Variants in DLL1 observed in about 807,000 individuals in gnomAD.
The protein encoded by DLL1 is delta-like protein 1.
DLL1 carries 9 observed loss-of-function variants against 75.1 expected under a neutral mutation model. The observed-to-expected ratio is 0.12, with a 90% CI of 0.07 to 0.21. DLL1 has a LOEUF of 0.21. DLL1 is among the 10% of genes least tolerant of loss of function. DLL1 has a pLI of 1.00. For missense variants in DLL1, 837 were observed against 1,007.6 expected (o/e 0.83, Z 2.29); for synonymous variants, 477 against 418.3 (o/e 1.14, Z -1.71).
At position 170,282,657 on chromosome 6, in the gene DLL1, G is replaced by A; in HGVS notation, c.*217C>T. ...AAGAGCAACTGTCCATAGTGCAACG[G>A]CGACGTCACGGAAGGCAGTGCCGCA... On this transcript the variant is annotated 3_prime_UTR_variant, in exon 11 of 11. Transcript: ENST00000366756. The A allele has an allele frequency of 1.5e-6, 1 of 674,096 alleles. No individual in the cohort carries two copies. Among genetic ancestry groups the A allele is most frequent in the Middle Eastern group, 4.1e-4 (1 of 2,468 alleles). The allele number at this position is 674,096 out of a possible 1,614,324, so 41.8% of individuals were successfully genotyped here. A position where few individuals can be genotyped will look rare whatever the true frequency, so the allele number is the denominator to read the frequency against.
At position 170,290,891 on chromosome 6, in the gene DLL1, G is replaced by T; in HGVS notation, c.-752C>A. On this transcript the variant is annotated 5_prime_UTR_variant, in exon 1 of 11. Transcript: ENST00000366756. This position sits in a 1 kb window ranked among gnomAD's most constrained non-coding sequence, Gnocchi z 4.7. ...CCGGGTTCCCCTGCGCTCTGCCCTC[G>T]GCCGGGTCGGGTCTCCGCGGGTGCG... The T allele has an allele frequency of 1.4e-6, 1 of 690,800 alleles. No individual in the cohort carries two copies. Among genetic ancestry groups the T allele is most frequent in the Non-Finnish European group, 2.6e-6 (1 of 379,070 alleles). The allele number at this position is 690,800 out of a possible 1,614,324, so 42.8% of individuals were successfully genotyped here.
intron 8 of DLL1, 41 bp downstream of exon 8, chr6:170,284,878 G>A (rs762825117): frequency 1.6e-5 from 25 of 1,596,264 alleles, no homozygotes; most frequent in South Asian, 2.2e-5. Context: ...AGTATTGACC[G>A]CTCGCCCGAG....
chr6:170,290,337 G>T lies in DLL1; in HGVS notation c.-198C>A, dbSNP rs1471193367. 3 of 479,516 alleles carry T rather than the reference G, an allele frequency of 6.3e-6. No homozygotes were observed. The highest frequency in any genetic ancestry group is 8.6e-5 in the Admixed American group (2 of 23,376). 29.7% of individuals were successfully genotyped at this position (479,516 alleles called of 1,614,324 possible). A position where few individuals can be genotyped will look rare whatever the true frequency, so the allele number is the denominator to read the frequency against. On this transcript the variant is annotated 5_prime_UTR_variant, in exon 1 of 11. Transcript: ENST00000366756. The surrounding 1 kb of genome is among the most constrained non-coding windows in gnomAD (Gnocchi z 4.7). ...CCCAAGGCCGCGGTTCTTTATATCC[G>T]CCCTGCGAGGTCCCGCGGCAGCCCC...
chr6:170,285,288 T>C lies in DLL1; in HGVS notation c.998A>G (p.Asp333Gly). The C allele has an allele frequency of 6.2e-7, 1 of 1,613,974 alleles. No individual in the cohort carries two copies. Among genetic ancestry groups the C allele is most frequent in the Non-Finnish European group, 8.5e-7 (1 of 1,179,998 alleles). The change falls in exon 7 of 11, where the codon GAC becomes GGC. Residue 333 changes from aspartate to glycine, a missense_variant. Coordinates refer to ENST00000366756, the MANE Select transcript of DLL1 (RefSeq NM_005618.4). ...ATCELGIDEC[D>G]PSPCKNGGSC... ...CCCTCCGTTCTTACAAGGGCTGGGG[T>C]CACACTCGTCAATCCCCAGCTCGCA...
intron 8 of DLL1, 111 bp downstream of exon 8, chr6:170,284,808 G>A (rs1783658623): frequency 8.8e-7 from 1 of 1,137,294 alleles, no homozygotes; most frequent in South Asian, 1.3e-5. Context: ...CTGGCGGTCT[G>A]GATAAAAGTG....
Position 170,283,057 on chromosome 6 carries a change from T to G in DLL1, c.2097A>C (p.Ser699=). 6.2e-7 allele frequency: 1 copy of G among 1,614,138 alleles called. No individual in the cohort carries two copies. Among genetic ancestry groups the G allele is most frequent in the Non-Finnish European group, 8.5e-7 (1 of 1,180,046 alleles). The change falls in exon 10 of 11, where the codon TCA becomes TCC. Residue 699 remains serine, a synonymous_variant. Transcript: ENST00000366756. The stretch of plus-strand genomic sequence containing the variant: ...ACACCGACTGGTACTTGGTGTCTTT[T>G]GAAGTTGAACAGCCCGAGTCCGGCC... ...RKRPDSGCST[S]KDTKYQSVYV... is the part of the protein sequence containing the mutation.
intron 1 of DLL1, 84 bp from the exon 2 acceptor site, chr6:170,289,892 A>G: frequency 1.4e-6 from 2 of 1,436,490 alleles, no homozygotes; most frequent in Middle Eastern, 1.9e-4. Flanking sequence ...GTGTGCGGAG[A>G]GCCTGGAAGG....
intron 4 of DLL1, among the ~76,000 whole-genome samples, chr6:170,287,235 A>G (rs978200957): frequency 2.6e-5 from 4 of 152,218 alleles, no homozygotes; most frequent in Non-Finnish European, 4.4e-5. Context: ...CAAGGCACTC[A>G]GTGAATGGGA....
Position 170,288,188 on chromosome 6 carries a change from C to T in DLL1, c.670+51G>A, listed in dbSNP as rs2738822. On this transcript the variant is annotated intron_variant, in intron 4 of 10. Transcript: ENST00000366756. ...GCTCAGGAAGCCCCGTCCCTGCGCG[C>T]GGTCCGTGTTCGTGGACGAGTGAGC... The T allele has an allele frequency of 0.57, 912,949 of 1,612,078 alleles. 267,649 individuals are homozygous for T. Among genetic ancestry groups the T allele is most frequent in the Middle Eastern group, 0.62 (3,722 of 6,024 alleles).
At chr6:170,286,425 G>C in intron 4 of DLL1, 127 bp from the exon 5 acceptor site, 1 of 1,192,022 alleles carries the variant, frequency 8.4e-7, no homozygotes, top group Non-Finnish European at 1.2e-6. Context: ...AATCTTCCCA[G>C]GTTGTGGAGG....
chr6:170,284,777 T>TAA (rs1290730185), intron 8 of DLL1, 142 bp downstream of exon 8: 1 of 890,654 alleles, frequency 1.1e-6, no homozygotes, highest in Non-Finnish European at 1.8e-6. Flanking sequence ...GACTCAAAGA[T>TAA]AGAGTTTCCA....
chr6:170,285,010 A>T lies in DLL1; in HGVS notation c.1158T>A (p.Asp386Glu). ...CGGGGCAGCGGCAGCTGTACCCTCC[A>T]TCGGGGCTGTCTGAGCACCGACCCC... ...FNGGRCSDSPDGGYSCRCPVG... is the reference protein window; with the variant it reads ...FNGGRCSDSPEGGYSCRCPVG... Residue 386 changes from aspartate to glutamate, a missense_variant, in exon 8 of 11, where the codon GAT becomes GAA. Physicochemically the swap from Asp to Glu is conservative, Grantham distance 45. This residue lies in a region of DLL1 where 533 missense variants were observed against 545.7 expected (regional missense o/e 0.98). Transcript: ENST00000366756. 6.2e-7 allele frequency: 1 copy of T among 1,614,112 alleles called. No individual in the cohort carries two copies. Among genetic ancestry groups the T allele is most frequent in the Non-Finnish European group, 8.5e-7 (1 of 1,180,026 alleles).
chr6:170,289,381 A>T (rs1583157288), intron 2 of DLL1, 131 bp downstream of exon 2: 1 of 1,381,356 alleles, frequency 7.2e-7, no homozygotes, highest in East Asian at 2.7e-5. Context: ...CGCTAGGCAG[A>T]TCGCAGCGCC....
Position 170,288,447 on chromosome 6 carries a change from C to A in DLL1, c.462G>T (p.Thr154=), listed in dbSNP as rs1440918179. 1 of 1,614,070 alleles carries A rather than the reference C, an allele frequency of 6.2e-7. No individual in the cohort carries two copies. ...ISRLATQRHL[T]VGEEWSQDLH... ...GGTCCTGGGACCACTCCTCGCCCAC[C>A]GTCAGGTGCCTCTGGGTGGCCAGGC... The change falls in exon 4 of 11, where the codon ACG becomes ACT. Residue 154 remains threonine (T), a synonymous_variant. Coordinates refer to ENST00000366756, the MANE Select transcript of DLL1 (RefSeq NM_005618.4).
At position 170,290,305 on chromosome 6, in the gene DLL1, G is replaced by A. The variant is rs1783829201; in HGVS notation, c.-166C>T. On this transcript the variant is annotated 5_prime_UTR_variant, in exon 1 of 11. Transcript: ENST00000366756. This position sits in a 1 kb window ranked among gnomAD's most constrained non-coding sequence, Gnocchi z 4.7. Reference sequence around the variant, plus strand: ...CTTCTTTCTTTAAAAGCCGGTCTCCGCCTCTTCCCAAGGCCGCGGTTCTTT... The same window carrying A: ...CTTCTTTCTTTAAAAGCCGGTCTCCACCTCTTCCCAAGGCCGCGGTTCTTT... The A allele has an allele frequency of 7.4e-6, 5 of 678,104 alleles. No homozygotes were observed. The highest frequency in any genetic ancestry group is 6.0e-5 in the South Asian group (2 of 33,426). 42.0% of individuals were successfully genotyped at this position (678,104 alleles called of 1,614,324 possible).
At chr6:170,286,802 T>TACACAC (rs143742416) in intron 4 of DLL1, among the ~76,000 whole-genome samples, 208 of 149,122 alleles carry the variant, frequency 1.4e-3, no homozygotes, top group Non-Finnish European at 2.0e-3. Context: ...CCCTCGCGTG[T>TACACAC]ACACACACAC....
At position 170,287,648 on chromosome 6, in the gene DLL1, G is replaced by A. The variant is rs1217477485; in HGVS notation, c.670+591C>T. Among the ~76,000 whole-genome samples the A allele has an allele frequency of 3.9e-5, 6 of 152,322 alleles. No homozygotes were observed. In the East Asian group the frequency reaches 9.7e-4, roughly 25 times the overall value. On this transcript the variant is annotated intron_variant, in intron 4 of 10. Coordinates refer to ENST00000366756, the MANE Select transcript of DLL1 (RefSeq NM_005618.4). The stretch of plus-strand genomic sequence containing the variant: ...TGCTGCCTGAGCATTCAAGCCAGAC[G>A]GGGCTGTGCACCCCTCGCCCACACA...
At chr6:170,288,040 G>T in intron 4 of DLL1, 199 bp downstream of exon 4, 1 of 742,360 alleles carries the variant, frequency 1.3e-6, no homozygotes, top group Non-Finnish European at 2.2e-6. Context: ...AGCCTGGGAT[G>T]TTAAAATGTC....
chr6:170,283,523 C>G lies in DLL1; in HGVS notation c.1756G>C (p.Glu586Gln). Residue 586 changes from glutamate (E) to glutamine (Q), a missense_variant, in exon 9 of 11, where the codon GAG becomes CAG. Glu to Gln is a conservative substitution (Grantham distance 29, BLOSUM62 2). Around this residue, in one of 2 missense-constraint regions of DLL1, gnomAD observed 533 missense variants for 545.7 expected, o/e 0.98. Coordinates refer to ENST00000366756, the MANE Select transcript of DLL1 (RefSeq NM_005618.4). ...GCCAGGTTGTTCATGGTCTCCGTCT[C>G]CCCCCGGCAGGGGTCGGCTGGGGGC... The part of the protein sequence containing the change: ...HRPPADPCRG[E>Q]TETMNNLANC... The G allele has an allele frequency of 6.2e-7, 1 of 1,613,434 alleles. No individual in the cohort carries two copies. The highest frequency in any genetic ancestry group is 8.5e-7 in the Non-Finnish European group (1 of 1,180,018).
Sources: gnomAD v4.1 joint callset for allele counts (sites outside exome capture counted in the v4.1 genomes callset) on GRCh38, gnomAD v4.1.1 for gene constraint, gnomAD v4.1.1 regional missense constraint, Gnocchi (gnomAD v3.1) non-coding constraint, MANE v1.5 for transcripts, NCBI Gene and HGNC (gene_info 2026-07-23, HGNC 2026-07-21) for gene names.